The following ISCA1 variants were observed in gnomAD, a reference collection of about 807,000 sequenced individuals.
The protein encoded by ISCA1 is iron-sulfur cluster assembly 1, also known as iron-sulfur cluster assembly 1 homolog, mitochondrial.
In ISCA1, 9 loss-of-function variants were observed where a neutral mutation model predicts 14.7. That is an observed-to-expected ratio of 0.61 (90% confidence interval 0.37 to 1.07). ISCA1 has a LOEUF of 1.07. Among genes scored for constraint, ISCA1 ranks in the 50% least tolerant of loss-of-function variants. ISCA1 has a pLI of 0.01. For missense variants in ISCA1, 102 were observed against 150.1 expected (o/e 0.68, Z 1.67); for synonymous variants, 38 against 54.3 (o/e 0.70, Z 1.32).
rs1354530842 is a variant in ISCA1, at chr9:86,265,194, T to A, written c.*849A>T. ...TTGACCACATAAAGAAGTCAGACCA[T>A]TTGCCTTCGCTGACTGCCTCAGAGG... On this transcript the variant is annotated 3_prime_UTR_variant, in exon 4 of 4. Transcript: ENST00000375991. The A allele has an allele frequency of 6.6e-6, 1 of 152,202 alleles. No individual in the cohort carries two copies. The highest frequency in any genetic ancestry group is 6.5e-5 in the Admixed American group (1 of 15,278). The allele number at this position is 152,202 out of a possible 1,614,324, so 9.4% of individuals were successfully genotyped here.
chr9:86,270,040 T>G (rs1366201702), intron 3 of ISCA1, among the ~76,000 whole-genome samples: 8 of 151,554 alleles, frequency 5.3e-5, no homozygotes, highest in Admixed American at 5.3e-4. Flanking sequence ...GGGAAAGGAC[T>G]TCATGTCTAA....
chr9:86,273,640 C>T (rs1310071655), intron 2 of ISCA1, among the ~76,000 whole-genome samples: 1 of 152,176 alleles, frequency 6.6e-6, no homozygotes, highest in Non-Finnish European at 1.5e-5. Flanking sequence ...ACAGGAATAA[C>T]AAGCCCAGTC....
At position 86,282,512 on chromosome 9, in the gene ISCA1, TCTCTCCA is replaced by T; in HGVS notation, c.-61_-55del. On this transcript the variant is annotated 5_prime_UTR_variant, in exon 1 of 4. It removes an upstream start codon present in the reference 5' UTR. Coordinates refer to ENST00000375991, the MANE Select transcript of ISCA1 (RefSeq NM_030940.4). ...GGGCCGAAGGTCGGCCGCCTCAGCT[TCTCTCCA>T]TGGACACGGCGGGCGCATTGACGCC... is the stretch of plus-strand genomic sequence containing the variant. 1 of 1,549,674 alleles carries T rather than the reference TCTCTCCA, an allele frequency of 6.5e-7. No individual in the cohort carries two copies. The highest frequency in any genetic ancestry group is 1.4e-5 in the African/African-American group (1 of 73,134).
intron 1 of ISCA1, among the ~76,000 whole-genome samples, chr9:86,277,443 C>A (rs533448430): frequency 6.6e-5 from 10 of 152,080 alleles, no homozygotes; most frequent in Non-Finnish European, 1.5e-4. Context: ...ATTTTCAGAA[C>A]AAGGGAGAGT....
chr9:86,268,911 T>C (rs1490175888), intron 3 of ISCA1, among the ~76,000 whole-genome samples: 2 of 152,192 alleles, frequency 1.3e-5, no homozygotes, highest in East Asian at 3.9e-4. Context: ...TTCTCCTGCC[T>C]CAGCCTCCCA....
intron 1 of ISCA1, among the ~76,000 whole-genome samples, chr9:86,280,630 G>A (rs1196054449): frequency 1.3e-5 from 2 of 149,212 alleles, no homozygotes; most frequent in Non-Finnish European, 3.0e-5. Flanking sequence ...TCTGAAGGAA[G>A]AGGTAACATG....
In ISCA1 at chr9:86,271,593, C is replaced by T. The variant is rs557773124; in HGVS notation, c.241+414G>A. On this transcript the variant is annotated intron_variant, in intron 3 of 3. Transcript: ENST00000375991. ...GTACTTATTTGACACAGATATAAAA[C>T]TACTGCTTACACAAAAACTGTTGGT... Among the ~76,000 whole-genome samples, 117 of 152,322 alleles carry T rather than the reference C, an allele frequency of 7.7e-4. 1 individual carries two copies. Among genetic ancestry groups the T allele is most frequent in the African/African-American group, 2.8e-3 (116 of 41,562 alleles).
At chr9:86,267,196 G>T in intron 3 of ISCA1, 1 of 409,628 alleles carries the variant, frequency 2.4e-6, no homozygotes, top group Non-Finnish European at 3.3e-6. Flanking sequence ...CTGCACTCCA[G>T]CCTGGGTAAG....
intron 3 of ISCA1, among the ~76,000 whole-genome samples, chr9:86,270,512 A>T (rs1000620636): frequency 3.0e-4 from 45 of 150,384 alleles, no homozygotes; most frequent in African/African-American, 9.9e-4. Context: ...AAACTAGTTC[A>T]ACCATTGTGG....
At chr9:86,273,720 G>A (rs1825403504) in intron 2 of ISCA1, among the ~76,000 whole-genome samples, 1 of 152,130 alleles carries the variant, frequency 6.6e-6, no homozygotes, top group African/African-American at 2.4e-5. Context: ...ATCAGGAACT[G>A]CTGGTGAAAT....
chr9:86,273,857 T>G (rs1031547075), intron 2 of ISCA1, among the ~76,000 whole-genome samples: 1 of 152,176 alleles, frequency 6.6e-6, no homozygotes, highest in African/African-American at 2.4e-5. Flanking sequence ...CCACAGATGC[T>G]GTCAAACATT....
At position 86,266,020 on chromosome 9, in the gene ISCA1, A is replaced by C. The variant is rs1477408018; in HGVS notation, c.*23T>G. 1 of 1,611,792 alleles carries C rather than the reference A, an allele frequency of 6.2e-7. No homozygotes were observed. The highest frequency in any genetic ancestry group is 1.3e-5 in the African/African-American group (1 of 74,842). The stretch of plus-strand genomic sequence containing the variant: ...GCTTCCACGAGCTTTCCTGGAACCT[A>C]CGGCCAGAAGAGTCCTGAGATTTCA... On this transcript the variant is annotated 3_prime_UTR_variant, in exon 4 of 4. Coordinates refer to ENST00000375991, the MANE Select transcript of ISCA1 (RefSeq NM_030940.4).
chr9:86,273,801 T>C (rs1825405179), intron 2 of ISCA1, among the ~76,000 whole-genome samples: 1 of 152,172 alleles, frequency 6.6e-6, no homozygotes, highest in African/African-American at 2.4e-5. Context: ...GTGGATTCTT[T>C]GGTTGAGGCA....
chr9:86,282,368 G>A lies in ISCA1; in HGVS notation c.81+10C>T. On this transcript the variant is annotated intron_variant, in intron 1 of 3. Transcript: ENST00000375991. ...TGTCACGGGCCCCGCCGCGCGCCGCGAGCACTCACCAGGGTGAGGGCTGCC... is the reference window on the plus strand; with the variant it reads ...TGTCACGGGCCCCGCCGCGCGCCGCAAGCACTCACCAGGGTGAGGGCTGCC... 6.5e-7 allele frequency: 1 copy of A among 1,539,878 alleles called. No homozygotes were observed. The highest frequency in any genetic ancestry group is 2.5e-5 in the East Asian group (1 of 40,642).
intron 3 of ISCA1, among the ~76,000 whole-genome samples, chr9:86,268,497 TA>T (rs1175313060): frequency 7.0e-6 from 1 of 143,098 alleles, no homozygotes; most frequent in Non-Finnish European, 1.5e-5. Flanking sequence ...TTCAGTAAAC[TA>T]AGGTTAATTT....
At chr9:86,278,363 T>C (rs749761198) in intron 1 of ISCA1, among the ~76,000 whole-genome samples, 1 of 152,164 alleles carries the variant, frequency 6.6e-6, no homozygotes, top group Non-Finnish European at 1.5e-5. Context: ...ATACATATAA[T>C]ATACAAATAT....
chr9:86,270,694 A>C (rs991127184), intron 3 of ISCA1, among the ~76,000 whole-genome samples: 1 of 152,000 alleles, frequency 6.6e-6, no homozygotes, highest in African/African-American at 2.4e-5. Context: ...GAACCAACCC[A>C]AATGTCCAAC....
At chr9:86,276,483 G>A (rs1263197782) in intron 1 of ISCA1, among the ~76,000 whole-genome samples, 1 of 152,158 alleles carries the variant, frequency 6.6e-6, no homozygotes, top group African/African-American at 2.4e-5. Context: ...ATTTTCCTAT[G>A]TGCATGCTGA....
Position 86,274,174 on chromosome 9 carries a change from A to G in ISCA1, c.135+15T>C. On this transcript the variant is annotated intron_variant, in intron 2 of 3. Coordinates refer to ENST00000375991, the MANE Select transcript of ISCA1 (RefSeq NM_030940.4). ...GCTTCAGTTTTTTACTGAATAATTA[A>G]CTGGTTTTACTTACATGCTCAGGCT... 4.2e-6 allele frequency: 6 copies of G among 1,435,144 alleles called. No individual in the cohort carries two copies. The highest frequency in any genetic ancestry group is 5.9e-6 in the Non-Finnish European group (6 of 1,019,120). 88.9% of individuals were successfully genotyped at this position (1,435,144 alleles called of 1,614,324 possible). A position where few individuals can be genotyped will look rare whatever the true frequency, so the allele number is the denominator to read the frequency against.
Sources: allele counts gnomAD v4.1 joint callset (sites outside exome capture counted in the v4.1 genomes callset), GRCh38; gene constraint gnomAD v4.1.1; transcripts MANE v1.5; gene names NCBI Gene and HGNC (gene_info 2026-07-23, HGNC 2026-07-21).